The following CTNNA2 variants were observed in gnomAD, a reference collection of about 807,000 sequenced individuals.
CTNNA2 encodes the protein catenin alpha-2.
CTNNA2 carries 42 observed loss-of-function variants against 101.0 expected under a neutral mutation model. The ratio of observed to expected loss-of-function variants is 0.42; its 90% confidence interval spans 0.32 to 0.54. The LOEUF is 0.54. Among genes scored for constraint, CTNNA2 ranks in the 20% least tolerant of loss-of-function variants. The pLI, the probability that CTNNA2 is intolerant of heterozygous loss-of-function variation, is 0.14. For synonymous variants in CTNNA2, 450 were observed against 456.4 expected (o/e 0.99, Z 0.18); for missense variants, 871 against 1,223.1 (o/e 0.71, Z 4.29).
At chr2:79,890,433 T>G (rs1684221066) in intron 6 of CTNNA2, among the ~76,000 whole-genome samples, 1 of 152,056 alleles carries the variant, frequency 6.6e-6, no homozygotes, top group Non-Finnish European at 1.5e-5. Context: ...TGTGAAGGAG[T>G]TTGAAACTGA....
intron 2 of CTNNA2, among the ~76,000 whole-genome samples, chr2:79,289,858 G>T (rs1236735346): frequency 1.3e-5 from 2 of 152,140 alleles, no homozygotes; most frequent in African/African-American, 4.8e-5. Flanking sequence ...TAATACTTAG[G>T]AGTGAGGGCT....
intron 9 of CTNNA2, among the ~76,000 whole-genome samples, chr2:80,510,655 T>A (rs1300962817): frequency 6.6e-6 from 1 of 152,226 alleles, no homozygotes; most frequent in Non-Finnish European, 1.5e-5. Flanking sequence ...TTATTGATGA[T>A]CATTTGTTAT....
chr2:79,443,736 A>C (rs1678800555), intron 4 of CTNNA2, among the ~76,000 whole-genome samples: 2 of 152,092 alleles, frequency 1.3e-5, no homozygotes, highest in Admixed American at 1.3e-4. Flanking sequence ...AAACCTAAAC[A>C]TGCTGTGGTA....
chr2:79,351,710 T>C (rs1304491406), intron 3 of CTNNA2, among the ~76,000 whole-genome samples: 1 of 152,224 alleles, frequency 6.6e-6, no homozygotes, highest in Admixed American at 6.5e-5. Flanking sequence ...TCTGTGTTAG[T>C]TCACTTATGA....
At chr2:79,306,646 G>A (rs1242795339) in intron 2 of CTNNA2, among the ~76,000 whole-genome samples, 1 of 152,084 alleles carries the variant, frequency 6.6e-6, no homozygotes, top group East Asian at 1.9e-4. Context: ...ATACCTCTGG[G>A]TATCTGTGTG....
chr2:79,765,386 CT>C (rs1673081520), intron 3 of CTNNA2, among the ~76,000 whole-genome samples: 1 of 152,140 alleles, frequency 6.6e-6, no homozygotes, highest in African/African-American at 2.4e-5. Flanking sequence ...TCACATATTC[CT>C]TTTACTTACA....
chr2:80,116,836 A>G (rs1225226733), intron 7 of CTNNA2, among the ~76,000 whole-genome samples: 2 of 152,004 alleles, frequency 1.3e-5, no homozygotes, highest in Non-Finnish European at 2.9e-5. Flanking sequence ...AGGTGTGTAG[A>G]TACAACTGTG....
chr2:80,330,052 G>A (rs1033533210), intron 7 of CTNNA2, among the ~76,000 whole-genome samples: 1 of 152,154 alleles, frequency 6.6e-6, no homozygotes, highest in African/African-American at 2.4e-5. Flanking sequence ...CTTGAGTCTG[G>A]TCCCTTCCTA....
chr2:79,255,034 G>T (rs922592530), intron 2 of CTNNA2, among the ~76,000 whole-genome samples: 11 of 152,132 alleles, frequency 7.2e-5, no homozygotes, highest in Admixed American at 6.6e-4. Flanking sequence ...CTGAGAGAGG[G>T]TATTGGAAAA....
chr2:79,552,747 G>T (rs1047929897), intron 1 of CTNNA2, among the ~76,000 whole-genome samples: 11 of 152,190 alleles, frequency 7.2e-5, no homozygotes, highest in African/African-American at 2.7e-4. Flanking sequence ...AGCCTGAGCT[G>T]CTCCTTGGTC....
chr2:80,461,684 A>G (rs1684440664), intron 9 of CTNNA2, among the ~76,000 whole-genome samples: 1 of 152,154 alleles, frequency 6.6e-6, no homozygotes, highest in African/African-American at 2.4e-5. Context: ...CGAAACTTAA[A>G]AAAAAAAAGT....
chr2:80,320,978 T>C (rs1678620609), intron 7 of CTNNA2, among the ~76,000 whole-genome samples: 1 of 152,208 alleles, frequency 6.6e-6, no homozygotes, highest in South Asian at 2.1e-4. Flanking sequence ...ATAACTCTAT[T>C]CAGTTAAGCA....
rs1489467551 is a variant in CTNNA2 at position 80,648,181 on chromosome 2, C to T, written c.*309C>T. 5.0e-6 allele frequency: 1 copy of T among 200,200 alleles called. No homozygotes were observed. Among genetic ancestry groups the T allele is most frequent in the African/African-American group, 2.3e-5 (1 of 43,348 alleles). The allele number at this position is 200,200 out of a possible 1,614,324, so 12.4% of individuals were successfully genotyped here. A position where few individuals can be genotyped will look rare whatever the true frequency, so the allele number is the denominator to read the frequency against. Reference sequence around the variant, plus strand: ...GAGTGGGAGGGATGGGGAAAATAAACTTAACTCTACAAAAGCAAACTCTAA... The same window carrying T: ...GAGTGGGAGGGATGGGGAAAATAAATTTAACTCTACAAAAGCAAACTCTAA... On this transcript the variant is annotated 3_prime_UTR_variant, in exon 19 of 19. Transcript: ENST00000402739.
chr2:79,525,940 C>T (rs1406823308), intron 1 of CTNNA2, among the ~76,000 whole-genome samples: 1 of 151,954 alleles, frequency 6.6e-6, no homozygotes, highest in African/African-American at 2.4e-5. Context: ...TGAAATGCTT[C>T]TGTCTATATG....
intron 2 of CTNNA2, among the ~76,000 whole-genome samples, chr2:79,661,437 A>G (rs546843818): frequency 6.6e-6 from 1 of 152,366 alleles, no homozygotes; most frequent in Admixed American, 6.5e-5. Context: ...AGAGGAGTCT[A>G]TGAAATGACT....
At chr2:79,417,234 A>G (rs1224528219) in intron 4 of CTNNA2, among the ~76,000 whole-genome samples, 1 of 152,140 alleles carries the variant, frequency 6.6e-6, no homozygotes, top group Non-Finnish European at 1.5e-5. Flanking sequence ...TTGGTACTAA[A>G]TTTCCAAATA....
chr2:80,235,692 A>G (rs1709513818), intron 7 of CTNNA2, among the ~76,000 whole-genome samples: 1 of 152,186 alleles, frequency 6.6e-6, no homozygotes, highest in Admixed American at 6.5e-5. Flanking sequence ...AGAATTACAG[A>G]CACAGTCCAG....
At chr2:80,150,067 C>A (rs1703598342) in intron 7 of CTNNA2, among the ~76,000 whole-genome samples, 1 of 152,130 alleles carries the variant, frequency 6.6e-6, no homozygotes, top group Admixed American at 6.5e-5. Context: ...TTCTCAGGGT[C>A]TGATTAGTAT....
chr2:80,523,546 C>G (rs1305616457), intron 9 of CTNNA2, among the ~76,000 whole-genome samples: 1 of 152,146 alleles, frequency 6.6e-6, no homozygotes, highest in African/African-American at 2.4e-5. Flanking sequence ...ACCTAAATAA[C>G]AGTATTTATG....
Sources: allele counts gnomAD v4.1 joint callset (sites outside exome capture counted in the v4.1 genomes callset), GRCh38; gene constraint gnomAD v4.1.1; transcripts MANE v1.5; gene names NCBI Gene and HGNC (gene_info 2026-07-23, HGNC 2026-07-21).